The following MRPS5 variants were observed in gnomAD, a reference collection of about 807,000 sequenced individuals.
The protein encoded by MRPS5 is small ribosomal subunit protein uS5m.
A neutral mutation model predicts 51.9 loss-of-function variants in MRPS5; 27 were observed. That is an observed-to-expected ratio of 0.52 (90% CI 0.38 to 0.72). The LOEUF (loss-of-function observed/expected upper bound fraction) is 0.72. MRPS5 is among the 30% of genes least tolerant of loss of function. The pLI, the probability that MRPS5 is intolerant of heterozygous loss-of-function variation, is 0.00. For synonymous variants in MRPS5, 196 were observed against 193.2 expected (o/e 1.01, Z -0.12); for missense variants, 570 against 545.7 (o/e 1.04, Z -0.44).
intron 2 of MRPS5, 92 bp downstream of exon 2, chr2:95,117,773 A>T (rs1192704367): frequency 3.8e-6 from 4 of 1,045,904 alleles, no homozygotes; most frequent in Non-Finnish European, 5.7e-6. Flanking sequence ...AGAAAAGAAA[A>T]AAGCAGGTGA....
intron 6 of MRPS5, among the ~76,000 whole-genome samples, chr2:95,105,014 C>T (rs1675909162): frequency 6.6e-6 from 1 of 152,128 alleles, no homozygotes; most frequent in South Asian, 2.1e-4. Context: ...TCTCGATATA[C>T]CCTATCTTAA....
At chr2:95,098,510 A>G (rs1305649188) in intron 10 of MRPS5, among the ~76,000 whole-genome samples, 1 of 152,242 alleles carries the variant, frequency 6.6e-6, no homozygotes, top group Non-Finnish European at 1.5e-5. Flanking sequence ...CTATGCAGCC[A>G]TAAAAAAGGA....
intron 2 of MRPS5, among the ~76,000 whole-genome samples, chr2:95,117,305 T>G (rs957741559): frequency 6.6e-6 from 1 of 151,946 alleles, no homozygotes; most frequent in African/African-American, 2.4e-5. Flanking sequence ...AGAAAACTAT[T>G]GCTATTTGTC....
At chr2:95,099,391 TAAAA>T (rs957010122) in intron 10 of MRPS5, among the ~76,000 whole-genome samples, 1 of 152,150 alleles carries the variant, frequency 6.6e-6, no homozygotes, top group Non-Finnish European at 1.5e-5. Flanking sequence ...AAGTTTTTTT[TAAAA>T]AGTTTATTTA....
At position 95,086,546 on chromosome 2, in the gene MRPS5, C is replaced by T. The variant is rs375033124; in HGVS notation, c.*811G>A. 3.9e-5 allele frequency among the ~76,000 whole-genome samples: 6 copies of T among 152,184 alleles called. No individual in the cohort carries two copies. The East Asian group carries it at 7.7e-4, about 20-fold the overall frequency. Reference sequence around the variant, plus strand: ...AAATAAACAGCGCCTCAGGGACTCACGGGACAATAGTAAAAGATTCAACAT... The same window carrying T: ...AAATAAACAGCGCCTCAGGGACTCATGGGACAATAGTAAAAGATTCAACAT... On this transcript the variant is annotated 3_prime_UTR_variant, in exon 12 of 12. Transcript: ENST00000272418.
chr2:95,104,699 T>C lies in MRPS5; in HGVS notation c.704A>G (p.Glu235Gly). ...VRNVFTMTAK[E>G]GRKKSIRVLV... ...GACACGGATCGATTTCTTTCTTCCC[T>C]CTTTCGCAGTCATAGTGAAAACGTT... Residue 235 changes from glutamate (E) to glycine (G), a missense_variant, in exon 7 of 12, where the codon GAG (glutamate) becomes GGG (glycine). Physicochemically the swap from Glu to Gly is moderately conservative, Grantham distance 98 (BLOSUM62 -2). Transcript: ENST00000272418. The C allele has an allele frequency of 6.2e-7, 1 of 1,614,038 alleles. No individual in the cohort carries two copies. Among genetic ancestry groups the C allele is most frequent in the East Asian group, 2.2e-5 (1 of 44,868 alleles).
chr2:95,095,862 G>T (rs960703723), intron 10 of MRPS5, among the ~76,000 whole-genome samples: 1 of 152,092 alleles, frequency 6.6e-6, no homozygotes, highest in African/African-American at 2.4e-5. Context: ...GATCAGAGCA[G>T]CACTGAAGGA....
chr2:95,104,666 G>C lies in MRPS5; in HGVS notation c.737C>G (p.Ala246Gly), dbSNP rs1202040237. 6.2e-7 allele frequency: 1 copy of C among 1,613,970 alleles called. No homozygotes were observed. The highest frequency in any genetic ancestry group is 8.5e-7 in the Non-Finnish European group (1 of 1,180,002). ...GRKKSIRVLVAVGNGKGAAGF... is the reference protein window; with the variant it reads ...GRKKSIRVLVGVGNGKGAAGF... ...TGCAGCTCCTTTTCCGTTCCCCACA[G>C]CCACCAAGACACGGATCGATTTCTT... Residue 246 changes from alanine (A) to glycine (G), a missense_variant, in exon 7 of 12, where the codon GCT (alanine) becomes GGT (glycine). Ala to Gly is a moderately conservative substitution (Grantham distance 60). Transcript: ENST00000272418.
rs576125994 is a variant in MRPS5 at position 95,096,591 on chromosome 2, A to G, written c.931+3883T>C. On this transcript the variant is annotated intron_variant, in intron 10 of 11. Transcript: ENST00000272418. ...AAACAGAACCAAATGTCAAAACCAC[A>G]TGATTATCTCAATAGATGCAGAAAA... 3.3e-5 allele frequency among the ~76,000 whole-genome samples: 5 copies of G among 152,338 alleles called. No homozygotes were observed. The South Asian group carries it at 1.0e-3, about 32-fold the overall frequency.
intron 10 of MRPS5, among the ~76,000 whole-genome samples, chr2:95,094,383 A>C (rs1479587890): frequency 6.6e-6 from 1 of 152,206 alleles, no homozygotes; most frequent in Admixed American, 6.5e-5. Context: ...AATACAGAGA[A>C]CACCACAAAA....
At chr2:95,103,113 A>G (rs1388930566) in intron 7 of MRPS5, among the ~76,000 whole-genome samples, 1 of 152,204 alleles carries the variant, frequency 6.6e-6, no homozygotes, top group Non-Finnish European at 1.5e-5. Flanking sequence ...AGTGATAACT[A>G]ATATTTATAA....
Position 95,086,118 on chromosome 2 carries a change from C to T in MRPS5, c.*1239G>A, listed in dbSNP as rs1251471509. ...TACTTTTTGTAGAGATGAGGTCTCA[C>T]TTTGTTGCCTAGGCTGATCTCAAAC... is the stretch of plus-strand genomic sequence containing the variant. On this transcript the variant is annotated 3_prime_UTR_variant, in exon 12 of 12. Transcript: ENST00000272418. 2.0e-5 allele frequency among the ~76,000 whole-genome samples: 3 copies of T among 152,106 alleles called. No homozygotes were observed. Among genetic ancestry groups the T allele is most frequent in the Non-Finnish European group, 4.4e-5 (3 of 68,024 alleles).
At chr2:95,096,657 C>T (rs1675635985) in intron 10 of MRPS5, among the ~76,000 whole-genome samples, 1 of 152,162 alleles carries the variant, frequency 6.6e-6, no homozygotes, top group Non-Finnish European at 1.5e-5. Context: ...GCTAAAAACT[C>T]TCAATACACT....
intron 10 of MRPS5, among the ~76,000 whole-genome samples, chr2:95,098,412 T>A (rs1382068882): frequency 6.6e-6 from 1 of 152,216 alleles, no homozygotes; most frequent in African/African-American, 2.4e-5. Context: ...GCGGCACTAT[T>A]CACAATAGCA....
At chr2:95,110,817 C>G (rs1368026399) in intron 3 of MRPS5, among the ~76,000 whole-genome samples, 2 of 152,078 alleles carry the variant, frequency 1.3e-5, no homozygotes, top group African/African-American at 4.8e-5. Context: ...TGTTCCATTA[C>G]CAATTTCTTT....
At chr2:95,092,644 C>T (rs1439357212) in intron 10 of MRPS5, 1 of 152,154 alleles carries the variant, frequency 6.6e-6, no homozygotes, top group African/African-American at 2.4e-5. Context: ...CTAGATCATA[C>T]AAAAACCTGA....
intron 5 of MRPS5, 140 bp downstream of exon 5, chr2:95,108,035 G>A: frequency 1.5e-6 from 1 of 689,292 alleles, no homozygotes; most frequent in Non-Finnish European, 2.5e-6. Flanking sequence ...GGATATTGAT[G>A]TGATATGTTA....
chr2:95,105,437 C>T (rs1231052343), intron 6 of MRPS5, among the ~76,000 whole-genome samples: 1 of 152,006 alleles, frequency 6.6e-6, no homozygotes, highest in African/African-American at 2.4e-5. Context: ...GTAGTCCCAG[C>T]TACTCGGGAG....
intron 10 of MRPS5, among the ~76,000 whole-genome samples, chr2:95,098,034 CA>C (rs1326158713): frequency 6.6e-6 from 1 of 152,132 alleles, no homozygotes; most frequent in African/African-American, 2.4e-5. Flanking sequence ...AAAAAGTGGG[CA>C]AAGGATATGA....
Sources: gnomAD v4.1 joint callset for allele counts (sites outside exome capture counted in the v4.1 genomes callset) on GRCh38, gnomAD v4.1.1 for gene constraint, MANE v1.5 for transcripts, NCBI Gene and HGNC (gene_info 2026-07-23, HGNC 2026-07-21) for gene names.